SLC19A2: variants seen among roughly 807,000 people sequenced by gnomAD.
The protein encoded by SLC19A2 is thiamine transporter 1.
In SLC19A2, 27 loss-of-function variants were observed where a neutral mutation model predicts 44.7. The ratio of observed to expected loss-of-function variants is 0.60; its 90% CI spans 0.45 to 0.83. The LOEUF (loss-of-function observed/expected upper bound fraction) is 0.83. SLC19A2 is among the 40% of genes least tolerant of loss of function. The probability of loss-of-function intolerance (pLI) is 0.00; values close to 1 mark genes in which losing one functional copy is unlikely to be tolerated. For synonymous variants in SLC19A2, 239 were observed against 243.6 expected (o/e 0.98, Z 0.18); for missense variants, 566 against 613.7 (o/e 0.92, Z 0.82).
rs1037373622 is a variant in SLC19A2 at position 169,464,584 on chromosome 1, G to T, written c.*1265C>A. On this transcript the variant is annotated 3_prime_UTR_variant, in exon 6 of 6. Coordinates refer to ENST00000236137, the MANE Select transcript of SLC19A2 (RefSeq NM_006996.3). ...CTATCTAGATTCTTTTCAAGATAAG[G>T]CAACAAAGTCAGCTTTAAAATAGTT... 6.6e-6 allele frequency: 1 copy of T among 152,220 alleles called. No individual in the cohort carries two copies. Among genetic ancestry groups the T allele is most frequent in the Non-Finnish European group, 1.5e-5 (1 of 67,976 alleles). The allele number at this position is 152,220 out of a possible 1,614,324, so 9.4% of individuals were successfully genotyped here. A position where few individuals can be genotyped will look rare whatever the true frequency, so the allele number is the denominator to read the frequency against.
chr1:169,466,119 G>T, intron 5 of SLC19A2, 142 bp from the exon 6 acceptor site: 2 of 908,974 alleles, frequency 2.2e-6, no homozygotes, highest in Non-Finnish European at 3.4e-6. Flanking sequence ...ACACAAAGCA[G>T]CATCACAGCA....
Position 169,468,193 on chromosome 1 carries a change from G to A in SLC19A2, c.1283C>T (p.Thr428Ile). 6.2e-7 allele frequency: 1 copy of A among 1,613,796 alleles called. No homozygotes were observed. The highest frequency in any genetic ancestry group is 8.5e-7 in the Non-Finnish European group (1 of 1,179,826). ...ERYALVFGVNTFIALALQTLL... is the reference protein window; with the variant it reads ...ERYALVFGVNIFIALALQTLL... ...CGTCTGCAGTGCCAGGGCAATGAAG[G>A]TATTTACACCAAATACTAGGGCATA... is the stretch of plus-strand genomic sequence containing the variant. Residue 428 changes from threonine to isoleucine, a missense_variant, in exon 5 of 6, where the codon ACC (threonine) becomes ATC (isoleucine). Transcript: ENST00000236137.
In SLC19A2 at chr1:169,464,903, T is replaced by C. The variant is rs1196348409; in HGVS notation, c.*946A>G. ...TACTTGGATAAGAAAAACAAATTAA[T>C]ATAAAAACTATAAATAGGGATGAAA... On this transcript the variant is annotated 3_prime_UTR_variant, in exon 6 of 6. Transcript: ENST00000236137. 6.6e-6 allele frequency: 1 copy of C among 152,558 alleles called. No homozygotes were observed. The highest frequency in any genetic ancestry group is 1.5e-5 in the Non-Finnish European group (1 of 68,012). The allele number at this position is 152,558 out of a possible 1,614,324, so 9.5% of individuals were successfully genotyped here.
chr1:169,485,913 A>G lies in SLC19A2; in HGVS notation c.-147T>C, dbSNP rs1021427583. 11 of 951,074 alleles carry G rather than the reference A, an allele frequency of 1.2e-5. No homozygotes were observed. The highest frequency in any genetic ancestry group is 1.7e-5 in the Non-Finnish European group (11 of 656,964). The allele number at this position is 951,074 out of a possible 1,614,324, so 58.9% of individuals were successfully genotyped here. On this transcript the variant is annotated 5_prime_UTR_variant, in exon 1 of 6. Coordinates refer to ENST00000236137, the MANE Select transcript of SLC19A2 (RefSeq NM_006996.3). ...TGGACTCGCCGCCGCCTCCGGCTAC[A>G]GAACCCCCAGCTTTACCCTACAGAC...
At chr1:169,471,026 C>T (rs938071802) in intron 2 of SLC19A2, among the ~76,000 whole-genome samples, 3 of 149,504 alleles carry the variant, frequency 2.0e-5, no homozygotes, top group Non-Finnish European at 1.5e-5. Context: ...AGTTCAAGAC[C>T]AGCCTGGGCA....
chr1:169,482,492 G>A (rs1658465184), intron 1 of SLC19A2, among the ~76,000 whole-genome samples: 1 of 152,158 alleles, frequency 6.6e-6, no homozygotes, highest in Non-Finnish European at 1.5e-5. Context: ...AGTGAGCCGA[G>A]ATCGCACCAC....
At position 169,468,664 on chromosome 1, in the gene SLC19A2, C is replaced by T; in HGVS notation, c.1203G>A (p.Met401Ile). Residue 401 changes from methionine to isoleucine, a missense_variant, in exon 4 of 6, where the codon ATG (methionine) becomes ATA (isoleucine). By Grantham distance (10) the Met-to-Ile change is conservative (BLOSUM62 1). Coordinates refer to ENST00000236137, the MANE Select transcript of SLC19A2 (RefSeq NM_006996.3). ...CATACGTTGCTATCGTGATGAGTAA[C>T]ATGTAGATGATTCTGAAGACAACAT... ...ASYVVFRIIY[M>I]LLITIATFQI... is the part of the protein sequence containing the mutation. 1 of 1,613,770 alleles carries T rather than the reference C, an allele frequency of 6.2e-7. No homozygotes were observed. Among genetic ancestry groups the T allele is most frequent in the Middle Eastern group, 1.6e-4 (1 of 6,062 alleles).
intron 2 of SLC19A2, among the ~76,000 whole-genome samples, chr1:169,471,675 C>CGT (rs140548510): frequency 0.015 from 2,036 of 131,928 alleles, 41 homozygotes; most frequent in African/African-American, 0.043. Flanking sequence ...AAAAAACAAA[C>CGT]GTGTGTGTGT....
At chr1:169,478,059 A>G (rs1241552817) in intron 1 of SLC19A2, among the ~76,000 whole-genome samples, 1 of 152,082 alleles carries the variant, frequency 6.6e-6, no homozygotes, top group African/African-American at 2.4e-5. Flanking sequence ...GGGACCCACC[A>G]TCACGCCTGG....
intron 1 of SLC19A2, 152 bp from the exon 2 acceptor site, chr1:169,477,909 T>C: frequency 1.2e-6 from 1 of 834,172 alleles, no homozygotes; most frequent in Admixed American, 2.7e-5. Context: ...AAAATGTCTT[T>C]TCTCTCTTTT....
At position 169,485,906 on chromosome 1, in the gene SLC19A2, C is replaced by G. The variant is rs1427277300; in HGVS notation, c.-140G>C. On this transcript the variant is annotated 5_prime_UTR_variant, in exon 1 of 6. Coordinates refer to ENST00000236137, the MANE Select transcript of SLC19A2 (RefSeq NM_006996.3). ...GACGTTCTGGACTCGCCGCCGCCTC[C>G]GGCTACAGAACCCCCAGCTTTACCC... 5 of 1,009,856 alleles carry G rather than the reference C, an allele frequency of 5.0e-6. No individual in the cohort carries two copies. Among genetic ancestry groups the G allele is most frequent in the Non-Finnish European group, 7.0e-6 (5 of 710,636 alleles). The allele number at this position is 1,009,856 out of a possible 1,614,324, so 62.6% of individuals were successfully genotyped here.
chr1:169,476,776 ATACT>A (rs1432374094), intron 2 of SLC19A2, among the ~76,000 whole-genome samples: 5 of 152,128 alleles, frequency 3.3e-5, no homozygotes, highest in Admixed American at 1.3e-4. Context: ...CTAGAAGTAG[ATACT>A]TAATCATTTA....
chr1:169,475,357 AT>A (rs1658281548), intron 2 of SLC19A2, among the ~76,000 whole-genome samples: 1 of 152,164 alleles, frequency 6.6e-6, no homozygotes, highest in South Asian at 2.1e-4. Context: ...TATATATAAA[AT>A]ATATACATAC....
At chr1:169,476,843 A>G (rs1658330313) in intron 2 of SLC19A2, among the ~76,000 whole-genome samples, 1 of 152,196 alleles carries the variant, frequency 6.6e-6, no homozygotes, top group Non-Finnish European at 1.5e-5. Context: ...TGCTTTATTT[A>G]TATGCCAAAC....
At chr1:169,476,865 G>A (rs1204612380) in intron 2 of SLC19A2, among the ~76,000 whole-genome samples, 1 of 152,092 alleles carries the variant, frequency 6.6e-6, no homozygotes, top group Non-Finnish European at 1.5e-5. Context: ...CTCAAAAGAT[G>A]AAGACACAGC....
Position 169,468,215 on chromosome 1 carries a change from C to A in SLC19A2, c.1261G>T (p.Ala421Ser), listed in dbSNP as rs1178726679. The change falls in exon 5 of 6, where the codon GCC becomes TCC. Residue 421 changes from alanine to serine, a missense_variant. Transcript: ENST00000236137. The stretch of plus-strand genomic sequence containing the variant: ...AAGGTATTTACACCAAATACTAGGG[C>A]ATAGCGTTCCATGCTGAGGTTTGCA... ...IAANLSMERY[A>S]LVFGVNTFIA... is the part of the protein sequence containing the mutation. 6.2e-7 allele frequency: 1 copy of A among 1,613,762 alleles called. No homozygotes were observed. Among genetic ancestry groups the A allele is most frequent in the Admixed American group, 1.7e-5 (1 of 59,996 alleles).
chr1:169,480,984 A>G (rs1658429957), intron 1 of SLC19A2, among the ~76,000 whole-genome samples: 1 of 152,236 alleles, frequency 6.6e-6, no homozygotes, highest in African/African-American at 2.4e-5. Flanking sequence ...CAACCTTGCA[A>G]TAACAACTAA....
chr1:169,467,588 A>G (rs1385704182), intron 5 of SLC19A2, among the ~76,000 whole-genome samples: 8 of 152,222 alleles, frequency 5.3e-5, no homozygotes, highest in African/African-American at 1.9e-4. Flanking sequence ...TCCTGAACGT[A>G]AAAAGTATTC....
In SLC19A2 at chr1:169,485,755, G is replaced by A. The variant is rs1462814500; in HGVS notation, c.12C>T (p.Pro4=). 1.3e-6 allele frequency: 2 copies of A among 1,534,432 alleles called. No homozygotes were observed. The highest frequency in any genetic ancestry group is 1.7e-6 in the Non-Finnish European group (2 of 1,144,764). Residue 4 remains proline (P), a synonymous_variant, in exon 1 of 6, where the codon CCC becomes CCT. Transcript: ENST00000236137. MDV[P]GPVSRRAAAA... ...CCGCCGCCCGCCGAGACACCGGGCC[G>A]GGCACATCCATCCGGGGCGCGAGGG...
Sources: allele counts gnomAD v4.1 joint callset (sites outside exome capture counted in the v4.1 genomes callset), GRCh38; gene constraint gnomAD v4.1.1; transcripts MANE v1.5; gene names NCBI Gene and HGNC (gene_info 2026-07-23, HGNC 2026-07-21).